Variants in TENM3 observed in about 807,000 individuals in gnomAD.
TENM3 encodes teneurin transmembrane protein 3, also known as teneurin-3.
A neutral mutation model predicts 255.1 loss-of-function variants in TENM3; 63 were observed. The observed-to-expected ratio is 0.25, with a 90% CI of 0.20 to 0.30. The LOEUF is 0.30. TENM3 is among the 10% of genes least tolerant of loss of function. The pLI is 1.00. For synonymous variants in TENM3, 1,306 were observed against 1,322.3 expected (o/e 0.99, Z 0.27); for missense variants, 2,929 against 3,461.1 (o/e 0.85, Z 3.86).
chr4:182,566,391 T>G (rs1384351537), intron 3 of TENM3, among the ~76,000 whole-genome samples: 1 of 152,208 alleles, frequency 6.6e-6, no homozygotes, highest in Admixed American at 6.5e-5. Flanking sequence ...TTCATGATTG[T>G]TTTTGTAAAC....
At chr4:181,958,170 T>A in the TENM3 span, among the ~76,000 whole-genome samples, 1 of 152,346 alleles carries the variant, frequency 6.6e-6, no homozygotes, top group Admixed American at 6.5e-5. Context: ...ATGAAGATTA[T>A]CTGCCTTTCT....
chr4:182,244,814 C>G (rs1198519418), intron 1 of TENM3, among the ~76,000 whole-genome samples: 1 of 152,234 alleles, frequency 6.6e-6, no homozygotes, highest in South Asian at 2.1e-4. Context: ...TTGCAAATAT[C>G]ACTTTACTTC....
intron 1 of TENM3, among the ~76,000 whole-genome samples, chr4:182,269,105 T>C (rs958357874): frequency 1.3e-5 from 2 of 152,226 alleles, no homozygotes; most frequent in African/African-American, 2.4e-5. Flanking sequence ...ACTCACAATA[T>C]TAATACAGAG....
At chr4:182,466,507 A>G (rs1732606623) in intron 3 of TENM3, among the ~76,000 whole-genome samples, 2 of 151,352 alleles carry the variant, frequency 1.3e-5, no homozygotes, top group South Asian at 4.2e-4. Flanking sequence ...TTTTTTTTAT[A>G]TTTTTTGTGG....
the TENM3 span, among the ~76,000 whole-genome samples, chr4:181,828,667 C>A: frequency 6.6e-6 from 1 of 152,172 alleles, no homozygotes; most frequent in Non-Finnish European, 1.5e-5. Flanking sequence ...CAGCTCACTG[C>A]AACCTCCACC....
At chr4:182,160,758 T>C (rs373909308) in intron 1 of TENM3, among the ~76,000 whole-genome samples, 1 of 152,282 alleles carries the variant, frequency 6.6e-6, no homozygotes, top group East Asian at 1.9e-4. Context: ...TGGTGACCTA[T>C]TGCACAGCAA....
the TENM3 span, among the ~76,000 whole-genome samples, chr4:181,489,021 A>C: frequency 1.6e-4 from 24 of 152,110 alleles, no homozygotes; most frequent in African/African-American, 5.8e-4. Flanking sequence ...ATATCCTCTC[A>C]AGAATGCTGA....
the TENM3 span, among the ~76,000 whole-genome samples, chr4:181,851,862 G>A: frequency 6.6e-6 from 1 of 152,046 alleles, no homozygotes; most frequent in Admixed American, 6.5e-5. Context: ...CGACCACTGC[G>A]ACATTTTAAG....
chr4:181,872,959 A>G, the TENM3 span, among the ~76,000 whole-genome samples: 71 of 151,656 alleles, frequency 4.7e-4, 1 homozygote. Context: ...TTATTCTCTT[A>G]TTTTTACTAT....
chr4:181,806,638 C>T, the TENM3 span, among the ~76,000 whole-genome samples: 2 of 152,206 alleles, frequency 1.3e-5, no homozygotes, highest in South Asian at 4.1e-4. Flanking sequence ...GATGGCATCT[C>T]GGAAGAGGAG....
At chr4:182,516,817 G>A (rs2151752259) in intron 3 of TENM3, among the ~76,000 whole-genome samples, 1 of 151,946 alleles carries the variant, frequency 6.6e-6, no homozygotes, top group Admixed American at 6.5e-5. Context: ...CTTGAACCCA[G>A]GAGGCAGAGG....
chr4:182,725,632 T>C (rs1760101232), intron 13 of TENM3, among the ~76,000 whole-genome samples: 1 of 16,998 alleles, frequency 5.9e-5, no homozygotes, highest in African/African-American at 2.5e-4. Context: ...CTTTTCTTTT[T>C]TTTCTTTTTT....
chr4:182,501,338 G>A (rs144269190), intron 3 of TENM3, among the ~76,000 whole-genome samples: 20 of 141,716 alleles, frequency 1.4e-4, no homozygotes, highest in African/African-American at 5.1e-4. Flanking sequence ...AAGTGCTCTT[G>A]AGGTTAAAAA....
At chr4:181,639,889 A>G in the TENM3 span, among the ~76,000 whole-genome samples, 4 of 152,294 alleles carry the variant, frequency 2.6e-5, no homozygotes, top group East Asian at 7.7e-4. Context: ...TGAGGGCTGC[A>G]CAGCCCCTGC....
the TENM3 span, among the ~76,000 whole-genome samples, chr4:181,570,956 AGATCT>A: frequency 6.6e-6 from 1 of 152,210 alleles, no homozygotes; most frequent in South Asian, 2.1e-4. Context: ...TGTTCAGTGT[AGATCT>A]GACGTCCAGG....
At chr4:182,708,797 C>CAAA (rs530056176) in intron 12 of TENM3, among the ~76,000 whole-genome samples, 6 of 104,396 alleles carry the variant, frequency 5.7e-5, no homozygotes, top group South Asian at 3.4e-4. Flanking sequence ...GACTCCGTCT[C>CAAA]AAAAAAAAAA....
At chr4:181,961,682 A>T in the TENM3 span, among the ~76,000 whole-genome samples, 2 of 152,160 alleles carry the variant, frequency 1.3e-5, no homozygotes, top group African/African-American at 4.8e-5. Context: ...GCCTCCCAAG[A>T]TAAAAAAATA....
chr4:181,615,931 A>C, the TENM3 span, among the ~76,000 whole-genome samples: 86,603 of 151,950 alleles, frequency 0.57, 25,228 homozygotes, highest in Admixed American at 0.65. Context: ...TGAGACAGAA[A>C]AATTTTAAGT....
chr4:182,536,446 C>T (rs899720713), intron 3 of TENM3, among the ~76,000 whole-genome samples: 1 of 152,208 alleles, frequency 6.6e-6, no homozygotes, highest in Non-Finnish European at 1.5e-5. Flanking sequence ...TTTTTAGCTT[C>T]AGTGAAATTC....
Sources: gnomAD v4.1 joint callset for allele counts (sites outside exome capture counted in the v4.1 genomes callset) on GRCh38, gnomAD v4.1.1 for gene constraint, MANE v1.5 for transcripts, NCBI Gene and HGNC (gene_info 2026-07-23, HGNC 2026-07-21) for gene names.